The following SCAI variants were observed in gnomAD, a reference collection of about 807,000 sequenced individuals.
The protein encoded by SCAI is suppressor of cancer cell invasion.
In SCAI, 24 loss-of-function variants were observed where a neutral mutation model predicts 92.2. The observed-to-expected ratio is 0.26, with a 90% CI of 0.19 to 0.37. SCAI has a LOEUF of 0.37. Ranked by LOEUF, SCAI falls within the 10% of genes least tolerant of loss-of-function variation. SCAI has a pLI of 1.00. For missense variants in SCAI, 450 were observed against 736.2 expected, an observed-to-expected ratio of 0.61 and a Z score of 4.50; for synonymous variants, 261 against 258.6, an observed-to-expected ratio of 1.01 and a Z score of -0.09.
At chr9:125,092,335 G>A (rs764633440) in intron 2 of SCAI, among the ~76,000 whole-genome samples, 17 of 150,278 alleles carry the variant, frequency 1.1e-4, no homozygotes, top group Non-Finnish European at 1.9e-4. Context: ...CAGGCATGGT[G>A]CCAGTTACTT....
At chr9:125,011,474 G>C (rs1832638680) in intron 9 of SCAI, among the ~76,000 whole-genome samples, 1 of 152,128 alleles carries the variant, frequency 6.6e-6, no homozygotes, top group South Asian at 2.1e-4. Flanking sequence ...GAGAAGGGAA[G>C]TTTAGAGAAA....
rs1232565527 is a variant in SCAI, at chr9:125,018,702, A to G, written c.861+97T>C. ...ATTTAATCAGCAATTTCCTCACAAG[A>G]GGATGTTAGGATATTTATAAGAAAA... On this transcript the variant is annotated intron_variant, in intron 9 of 17. Transcript: ENST00000336505. 7 of 1,027,240 alleles carry G rather than the reference A, an allele frequency of 6.8e-6. No individual in the cohort carries two copies. The East Asian group carries it at 1.2e-4, about 18-fold the overall frequency. The allele number at this position is 1,027,240 out of a possible 1,614,324, so 63.6% of individuals were successfully genotyped here.
At chr9:125,089,868 A>T (rs1834396753) in intron 2 of SCAI, among the ~76,000 whole-genome samples, 1 of 152,216 alleles carries the variant, frequency 6.6e-6, no homozygotes, top group Non-Finnish European at 1.5e-5. Flanking sequence ...ATAAAAAAAA[A>T]GATACCTGTT....
intron 3 of SCAI, among the ~76,000 whole-genome samples, chr9:125,035,894 C>CA (rs1459397777): frequency 6.6e-6 from 1 of 152,162 alleles, no homozygotes. Flanking sequence ...CTTGTCTCTA[C>CA]AAAAAAATTT....
chr9:125,013,936 T>C (rs1384654415), intron 9 of SCAI, among the ~76,000 whole-genome samples: 1 of 152,164 alleles, frequency 6.6e-6, no homozygotes, highest in Non-Finnish European at 1.5e-5. Flanking sequence ...AACCACATGA[T>C]TATCTCAATA....
chr9:125,071,013 T>G (rs1463126485), intron 2 of SCAI, among the ~76,000 whole-genome samples: 2 of 152,162 alleles, frequency 1.3e-5, no homozygotes, highest in African/African-American at 4.8e-5. Flanking sequence ...TCTGATGGTT[T>G]TATAAGAGGA....
chr9:125,056,916 C>T (rs571462087), intron 2 of SCAI, among the ~76,000 whole-genome samples: 11 of 152,254 alleles, frequency 7.2e-5, no homozygotes, highest in South Asian at 4.1e-4. Context: ...TACACACACA[C>T]GTACACACAC....
At chr9:125,033,342 T>C (rs1833122653) in intron 3 of SCAI, among the ~76,000 whole-genome samples, 1 of 151,996 alleles carries the variant, frequency 6.6e-6, no homozygotes, top group Non-Finnish European at 1.5e-5. Flanking sequence ...GAGACAGAGA[T>C]AAATAAAATA....
At chr9:125,124,451 G>T (rs780405933) in intron 2 of SCAI, among the ~76,000 whole-genome samples, 2 of 152,224 alleles carry the variant, frequency 1.3e-5, no homozygotes, top group South Asian at 2.1e-4. Context: ...AATCAATGGC[G>T]CAAGTTCCAA....
intron 2 of SCAI, among the ~76,000 whole-genome samples, chr9:125,084,460 G>A (rs957396811): frequency 6.6e-5 from 10 of 151,806 alleles, no homozygotes; most frequent in South Asian, 2.1e-4. Flanking sequence ...GCCAGCCACC[G>A]CGCCCGGCCG....
At chr9:125,126,413 G>A (rs1211227781) in intron 2 of SCAI, among the ~76,000 whole-genome samples, 1 of 152,068 alleles carries the variant, frequency 6.6e-6, no homozygotes, top group East Asian at 1.9e-4. Context: ...GTGTGTGTGT[G>A]TGTGTGTGTG....
intron 2 of SCAI, among the ~76,000 whole-genome samples, chr9:125,137,083 C>G (rs1217436659): frequency 6.6e-6 from 1 of 152,146 alleles, no homozygotes. Flanking sequence ...AAATATCTGG[C>G]TACAACCATT....
intron 6 of SCAI, among the ~76,000 whole-genome samples, chr9:125,022,263 C>T (rs565571430): frequency 1.3e-5 from 2 of 152,150 alleles, no homozygotes; most frequent in South Asian, 2.1e-4. Context: ...CTGAATTGTT[C>T]CTTTCATCAG....
intron 3 of SCAI, among the ~76,000 whole-genome samples, chr9:125,045,136 G>C (rs1833408174): frequency 6.6e-6 from 1 of 152,182 alleles, no homozygotes; most frequent in African/African-American, 2.4e-5. Flanking sequence ...GCAAAACTCG[G>C]GCAAAGGTGC....
At chr9:125,108,633 CGG>C (rs1564416843) in intron 2 of SCAI, among the ~76,000 whole-genome samples, 2 of 146,510 alleles carry the variant, frequency 1.4e-5, no homozygotes, top group Admixed American at 6.8e-5. Flanking sequence ...CCCCTCCGCC[CGG>C]CAGCCGCCCC....
At chr9:125,042,660 CACACACAT>C (rs1170787641) in intron 3 of SCAI, among the ~76,000 whole-genome samples, 3 of 143,984 alleles carry the variant, frequency 2.1e-5, no homozygotes, top group East Asian at 2.2e-4. Flanking sequence ...CACACACACA[CACACACAT>C]ATACAAAAAG....
Position 125,001,105 on chromosome 9 carries a change from C to T in SCAI, c.1144+860G>A, listed in dbSNP as rs1832351484. On this transcript the variant is annotated intron_variant, in intron 12 of 17. Coordinates refer to ENST00000336505, the MANE Select transcript of SCAI (RefSeq NM_001144877.3). Reference sequence around the variant, plus strand: ...AAAACTAAAGTAGTTTAAGATTTTACATTACTTTTAATGTTGTATTATATT... The same window carrying T: ...AAAACTAAAGTAGTTTAAGATTTTATATTACTTTTAATGTTGTATTATATT... Among the ~76,000 whole-genome samples, 4 of 152,086 alleles carry T rather than the reference C, an allele frequency of 2.6e-5. 1 individual carries two copies. Among genetic ancestry groups the T allele is most frequent in the Admixed American group, 2.6e-4 (4 of 15,262 alleles).
chr9:124,964,799 G>T (rs1267765112), intron 17 of SCAI, among the ~76,000 whole-genome samples: 1 of 152,206 alleles, frequency 6.6e-6, no homozygotes, highest in Non-Finnish European at 1.5e-5. Flanking sequence ...CTGGAAGAAA[G>T]TTCCTGTTGT....
intron 2 of SCAI, among the ~76,000 whole-genome samples, chr9:125,066,934 A>G (rs1013420998): frequency 4.6e-5 from 7 of 152,212 alleles, no homozygotes; most frequent in Non-Finnish European, 8.8e-5. Context: ...CAGGAGCAAC[A>G]GGCTATACCG....
Sources: gnomAD v4.1 joint callset for allele counts (sites outside exome capture counted in the v4.1 genomes callset) on GRCh38, gnomAD v4.1.1 for gene constraint, MANE v1.5 for transcripts, NCBI Gene and HGNC (gene_info 2026-07-23, HGNC 2026-07-21) for gene names.